Variants in RNF125 observed in about 807,000 individuals in gnomAD.
The protein encoded by RNF125 is E3 ubiquitin-protein ligase RNF125.
RNF125 carries 21 observed loss-of-function variants against 26.0 expected under a neutral mutation model. The ratio of observed to expected loss-of-function variants is 0.81; its 90% CI spans 0.57 to 1.16. The LOEUF (loss-of-function observed/expected upper bound fraction) is 1.16. RNF125 is among the 50% of genes most tolerant of loss of function. The pLI, the probability that RNF125 is intolerant of heterozygous loss-of-function variation, is 0.00. For synonymous variants in RNF125, 95 were observed against 109.2 expected, an observed-to-expected ratio of 0.87 and a Z score of 0.81; for missense variants, 270 against 299.4, an observed-to-expected ratio of 0.90 and a Z score of 0.72.
At chr18:32,054,523 A>G (rs565224288) in intron 4 of RNF125, among the ~76,000 whole-genome samples, 1 of 152,344 alleles carries the variant, frequency 6.6e-6, no homozygotes, top group African/African-American at 2.4e-5. Context: ...GTGATGCATG[A>G]GAGTGGTGAG....
chr18:32,043,325 CAATATTGGTATT>C, intron 3 of RNF125, among the ~76,000 whole-genome samples: 1 of 152,214 alleles, frequency 6.6e-6, no homozygotes, highest in African/African-American at 2.4e-5. Context: ...TTCATGTATC[CAATATTGGTATT>C]CTGTATAATT....
downstream of RNF125, chr18:32,076,361 G>C (rs2039570545): frequency 3.8e-6 from 1 of 260,692 alleles, no homozygotes; most frequent in African/African-American, 2.3e-5. Flanking sequence ...CTGTCTTCCA[G>C]GCTGAGTGCA....
intron 1 of RNF125, among the ~76,000 whole-genome samples, chr18:32,025,063 C>CA: frequency 6.6e-6 from 1 of 151,596 alleles, no homozygotes; most frequent in African/African-American, 2.4e-5. Context: ...GAGTCGTTCT[C>CA]AAAAAAACAA....
At chr18:32,033,064 G>T (rs1172918207) in intron 1 of RNF125, among the ~76,000 whole-genome samples, 1 of 152,198 alleles carries the variant, frequency 6.6e-6, no homozygotes, top group Non-Finnish European at 1.5e-5. Context: ...GCTCTTTTGA[G>T]GAGCCCCATC....
At chr18:32,088,882 G>C in the RNF125 span, among the ~76,000 whole-genome samples, 2 of 152,160 alleles carry the variant, frequency 1.3e-5, no homozygotes, top group African/African-American at 4.8e-5. Context: ...GAGACTGTAG[G>C]AGAAGAAACA....
chr18:32,050,323 A>AT (rs1037047580), intron 4 of RNF125, among the ~76,000 whole-genome samples: 4 of 151,992 alleles, frequency 2.6e-5, no homozygotes, highest in African/African-American at 9.7e-5. Context: ...ATATTCTGCC[A>AT]TTTTTTAAAA....
the RNF125 span, among the ~76,000 whole-genome samples, chr18:32,089,444 GCA>G: frequency 6.6e-6 from 1 of 152,116 alleles, no homozygotes; most frequent in South Asian, 2.1e-4. Flanking sequence ...AATTATTGCA[GCA>G]CAGTTTACCA....
intron 3 of RNF125, among the ~76,000 whole-genome samples, chr18:32,043,904 AT>A (rs1568199910): frequency 6.6e-6 from 1 of 152,214 alleles, no homozygotes; most frequent in African/African-American, 2.4e-5. Flanking sequence ...AAGAAGTTAC[AT>A]CTGTAACAGA....
At chr18:32,082,400 T>C in the RNF125 span, among the ~76,000 whole-genome samples, 2 of 152,178 alleles carry the variant, frequency 1.3e-5, no homozygotes, top group African/African-American at 4.8e-5. Context: ...TATGTATGTT[T>C]AAATATAAGT....
the RNF125 span, among the ~76,000 whole-genome samples, chr18:32,087,896 A>G: frequency 6.6e-6 from 1 of 152,232 alleles, no homozygotes. Context: ...TATGGTCTGC[A>G]GGATAACAAT....
At chr18:32,067,729 T>C (rs1479974769) in intron 5 of RNF125, among the ~76,000 whole-genome samples, 3 of 152,184 alleles carry the variant, frequency 2.0e-5, no homozygotes, top group African/African-American at 7.2e-5. Context: ...TATTGCAGAA[T>C]GGACTTTGAA....
rs2039544745 is a variant in RNF125 at position 32,072,865 on chromosome 18, G to C, written c.*4481G>C. The C allele has an allele frequency of 6.6e-6, 1 of 152,136 alleles. No homozygotes were observed. Among genetic ancestry groups the C allele is most frequent in the Non-Finnish European group, 1.5e-5 (1 of 68,020 alleles). 9.4% of individuals were successfully genotyped at this position (152,136 alleles called of 1,614,324 possible). On this transcript the variant is annotated 3_prime_UTR_variant, in exon 6 of 6. Transcript: ENST00000217740. ...GATTGTGAATCTACACTAAAGATAT[G>C]GTTCCAGGCAGACCTCCTTAGAGAC...
At chr18:32,041,620 CTTTTTTTTTTTTTTTT>C (rs60264747) in intron 2 of RNF125, among the ~76,000 whole-genome samples, 1 of 93,280 alleles carries the variant, frequency 1.1e-5, no homozygotes, top group Non-Finnish European at 2.1e-5. Context: ...AATGTAGATG[CTTTTTTTTTTTTTTTT>C]TTTTTTTTTT....
chr18:32,063,713 C>T (rs2039456051), intron 4 of RNF125, among the ~76,000 whole-genome samples: 1 of 152,142 alleles, frequency 6.6e-6, no homozygotes, highest in South Asian at 2.1e-4. Context: ...GACTGTGGGA[C>T]ATCCATACAT....
At chr18:32,068,236 A>G (rs1037844930) in intron 5 of RNF125, 62 bp from the exon 6 acceptor site, 2 of 904,536 alleles carry the variant, frequency 2.2e-6, no homozygotes, top group Non-Finnish European at 3.6e-6. Flanking sequence ...ATTGACCCTC[A>G]TCCTCTAGTT....
chr18:32,085,939 A>G, the RNF125 span, among the ~76,000 whole-genome samples: 1 of 152,158 alleles, frequency 6.6e-6, no homozygotes, highest in Non-Finnish European at 1.5e-5. Flanking sequence ...CCAACTACAA[A>G]TAACCAAAGA....
At chr18:32,067,943 T>C (rs1345183873) in intron 5 of RNF125, among the ~76,000 whole-genome samples, 1 of 152,246 alleles carries the variant, frequency 6.6e-6, no homozygotes, top group African/African-American at 2.4e-5. Context: ...TGGTGAAGCC[T>C]GTGGGGGAGC....
chr18:32,052,773 A>G lies in RNF125; in HGVS notation c.504+7041A>G, dbSNP rs553128579. Among the ~76,000 whole-genome samples, 414 of 152,284 alleles carry G rather than the reference A, an allele frequency of 2.7e-3. 2 individuals carry two copies. The highest frequency in any genetic ancestry group is 9.7e-3 in the African/African-American group (403 of 41,562). ...CTTTGCATCTTGGAATGGCTGTAAC[A>G]TGAGTGCACTGTTGTCCAGCTCTTT... On this transcript the variant is annotated intron_variant, in intron 4 of 5. Coordinates refer to ENST00000217740, the MANE Select transcript of RNF125 (RefSeq NM_017831.4).
At chr18:32,031,347 TGAG>T (rs1257207420) in intron 1 of RNF125, 2 of 151,614 alleles carry the variant, frequency 1.3e-5, no homozygotes, top group Admixed American at 6.6e-5. Context: ...ATCAATAAAA[TGAG>T]GAGAAAGCAC....
Sources: gnomAD v4.1 joint callset for allele counts (sites outside exome capture counted in the v4.1 genomes callset) on GRCh38, gnomAD v4.1.1 for gene constraint, MANE v1.5 for transcripts, NCBI Gene and HGNC (gene_info 2026-07-23, HGNC 2026-07-21) for gene names.